The following RIN2 variants were observed in gnomAD, a reference collection of about 807,000 sequenced individuals.
The protein encoded by RIN2 is RAB5 interacting protein 2.
RIN2 carries 36 observed loss-of-function variants against 78.0 expected under a neutral mutation model. The observed-to-expected ratio is 0.46, with a 90% CI of 0.35 to 0.61. The LOEUF is 0.61. RIN2 is among the 20% of genes least tolerant of loss of function. RIN2 has a pLI of 0.00. For missense variants in RIN2, 1,087 were observed against 1,159.7 expected (o/e 0.94, Z 0.91); for synonymous variants, 466 against 466.8 (o/e 1.00, Z 0.02).
intron 11 of RIN2, 143 bp from the exon 12 acceptor site, chr20:19,996,536 G>C (rs554575959): frequency 2.6e-6 from 2 of 767,480 alleles, no homozygotes; most frequent in African/African-American, 3.5e-5. Context: ...GCTCTTGGGT[G>C]TGTGCTTCTG....
At chr20:19,882,349 C>T (rs1428354472) in intron 2 of RIN2, among the ~76,000 whole-genome samples, 1 of 152,124 alleles carries the variant, frequency 6.6e-6, no homozygotes, top group Non-Finnish European at 1.5e-5. Flanking sequence ...ACAAAGTTTA[C>T]AAGGAAAGTA....
chr20:19,832,221 C>T (rs28637414), intron 2 of RIN2, among the ~76,000 whole-genome samples: 56 of 150,742 alleles, frequency 3.7e-4, no homozygotes, highest in African/African-American at 1.2e-3. Context: ...TTCCCAAGGA[C>T]GCAGGCGGCC....
At chr20:19,812,701 G>A (rs759154121) in intron 2 of RIN2, among the ~76,000 whole-genome samples, 11 of 152,114 alleles carry the variant, frequency 7.2e-5, no homozygotes, top group Non-Finnish European at 1.6e-4. Context: ...TGGCATACTT[G>A]GGAATTGTTT....
At position 19,981,189 on chromosome 20, in the gene RIN2, G is replaced by A. The variant is rs564193229; in HGVS notation, c.1762+5402G>A. ...GCCAAGATGCAAGCGCGACTGACACGGTCCCTTGGCAGGCCTTGTCTATAC... is the reference window on the plus strand; with the variant it reads ...GCCAAGATGCAAGCGCGACTGACACAGTCCCTTGGCAGGCCTTGTCTATAC... On this transcript the variant is annotated intron_variant, in intron 9 of 12. Transcript: ENST00000255006. Among the ~76,000 whole-genome samples, 4 of 152,284 alleles carry A rather than the reference G, an allele frequency of 2.6e-5. No individual in the cohort carries two copies. The East Asian group carries it at 7.7e-4, about 29-fold the overall frequency.
chr20:19,929,901 G>A lies in RIN2; in HGVS notation c.58-5198G>A, dbSNP rs145298597. Among the ~76,000 whole-genome samples, 175 of 152,342 alleles carry A rather than the reference G, an allele frequency of 1.1e-3. 1 individual carries two copies. The highest frequency in any genetic ancestry group is 5.6e-3 in the South Asian group (27 of 4,826). On this transcript the variant is annotated intron_variant, in intron 3 of 12. Transcript: ENST00000255006. ...TCAGTGGGACAAAATCCAACCGTCAGAGGGGAGGAAGTGTTTTGTGATGCT... is the reference window on the plus strand; with the variant it reads ...TCAGTGGGACAAAATCCAACCGTCAAAGGGGAGGAAGTGTTTTGTGATGCT...
intron 2 of RIN2, among the ~76,000 whole-genome samples, chr20:19,875,432 T>TAGG (rs1265064918): frequency 6.6e-6 from 1 of 152,172 alleles, no homozygotes; most frequent in Non-Finnish European, 1.5e-5. Context: ...CCCAAAGTGC[T>TAGG]AGGATTACAG....
intron 1 of RIN2, among the ~76,000 whole-genome samples, chr20:19,797,651 G>A (rs2035100080): frequency 1.3e-5 from 2 of 152,248 alleles, no homozygotes; most frequent in African/African-American, 4.8e-5. Context: ...ATGATTTTGA[G>A]TAGTCCTATC....
intron 9 of RIN2, among the ~76,000 whole-genome samples, chr20:19,977,195 G>C (rs796538087): frequency 3.9e-5 from 6 of 152,138 alleles, no homozygotes; most frequent in South Asian, 2.1e-4. Flanking sequence ...GGGGTCAGAG[G>C]GGGGTGCAGC....
chr20:19,791,132 A>C (rs1047769452), intron 1 of RIN2, among the ~76,000 whole-genome samples: 9 of 152,232 alleles, frequency 5.9e-5, no homozygotes, highest in Non-Finnish European at 1.2e-4. Flanking sequence ...TAGACCTTGA[A>C]CAAAATCAGC....
chr20:19,895,891 G>C (rs1455629457), intron 3 of RIN2: 1 of 152,220 alleles, frequency 6.6e-6, no homozygotes, highest in African/African-American at 2.4e-5. Flanking sequence ...CCTCAGCTGA[G>C]TTCCCTCAAC....
At chr20:19,944,109 T>C (rs2040992474) in intron 4 of RIN2, among the ~76,000 whole-genome samples, 1 of 152,004 alleles carries the variant, frequency 6.6e-6, no homozygotes, top group African/African-American at 2.4e-5. Context: ...ATTTTTGAAG[T>C]TGAAGTTTTT....
chr20:19,880,956 T>C (rs189977582), intron 2 of RIN2, among the ~76,000 whole-genome samples: 2 of 152,354 alleles, frequency 1.3e-5, no homozygotes, highest in East Asian at 3.9e-4. Context: ...GGCAGCATTT[T>C]ACTTGGTTAA....
intron 11 of RIN2, among the ~76,000 whole-genome samples, chr20:19,996,175 G>C (rs1433287382): frequency 6.6e-6 from 1 of 152,132 alleles, no homozygotes; most frequent in Admixed American, 6.5e-5. Flanking sequence ...TTAGCCAGGC[G>C]TGGTGGTGCA....
chr20:19,822,392 G>C (rs772062331), intron 2 of RIN2, among the ~76,000 whole-genome samples: 2 of 152,144 alleles, frequency 1.3e-5, no homozygotes, highest in Admixed American at 6.5e-5. Flanking sequence ...AGGGTGGATC[G>C]ACAGAATAGA....
rs1213772532 is a variant in RIN2, at chr20:19,900,013, A to G, written c.57+10355A>G. Among the ~76,000 whole-genome samples, 2 of 152,178 alleles carry G rather than the reference A, an allele frequency of 1.3e-5. 1 individual carries two copies. The highest frequency in any genetic ancestry group is 3.9e-4 in the East Asian group (2 of 5,188). ...TGAGTGAGTGGGCCTGGCATCAGACAGGTGGGATTGGTGGAGACTGTAACA... is the reference window on the plus strand; with the variant it reads ...TGAGTGAGTGGGCCTGGCATCAGACGGGTGGGATTGGTGGAGACTGTAACA... On this transcript the variant is annotated intron_variant, in intron 3 of 12. Coordinates refer to ENST00000255006, the MANE Select transcript of RIN2 (RefSeq NM_018993.4).
At chr20:19,820,084 TCAAA>T (rs1283849327) in intron 2 of RIN2, among the ~76,000 whole-genome samples, 5 of 152,298 alleles carry the variant, frequency 3.3e-5, no homozygotes, top group Middle Eastern at 3.4e-3. Context: ...TTTAAAAGGC[TCAAA>T]CAGACAACTC....
rs571447605 is a variant in RIN2 at position 19,801,572 on chromosome 20, C to T, written c.-37+1825C>T. Among the ~76,000 whole-genome samples the T allele has an allele frequency of 4.6e-5, 7 of 152,304 alleles. No homozygotes were observed. The South Asian group carries it at 1.0e-3, about 23-fold the overall frequency. ...TCCTGACCTCGTGATCCGCCCGCCT[C>T]GGCCTCCCAAAGTGCTGGGATTACA... On this transcript the variant is annotated intron_variant, in intron 2 of 12. Transcript: ENST00000255006.
At position 19,799,657 on chromosome 20, in the gene RIN2, C is replaced by T. The variant is rs550350704; in HGVS notation, c.-127C>T. On this transcript the variant is annotated 5_prime_UTR_variant, in exon 2 of 13. Coordinates refer to ENST00000255006, the MANE Select transcript of RIN2 (RefSeq NM_018993.4). ...GAGATCTGGACTTCTGAACATCTAC[C>T]GGAAAAGATAAAATGTGCAAGCCCT... is the stretch of plus-strand genomic sequence containing the variant. The T allele has an allele frequency of 3.3e-5, 5 of 152,150 alleles. No individual in the cohort carries two copies. The highest frequency in any genetic ancestry group is 1.9e-4 in the East Asian group (1 of 5,182). The allele number at this position is 152,150 out of a possible 1,614,324, so 9.4% of individuals were successfully genotyped here.
chr20:19,812,061 CT>C (rs10678963), intron 2 of RIN2, among the ~76,000 whole-genome samples: 2 of 150,980 alleles, frequency 1.3e-5, no homozygotes, highest in Admixed American at 6.6e-5. Flanking sequence ...ATAGCTTGTT[CT>C]TTTTTTTTAC....
Sources: allele counts gnomAD v4.1 joint callset (sites outside exome capture counted in the v4.1 genomes callset), GRCh38; gene constraint gnomAD v4.1.1; transcripts MANE v1.5; gene names NCBI Gene and HGNC (gene_info 2026-07-23, HGNC 2026-07-21).